The following PIK3C3 variants were observed in gnomAD, a reference collection of about 807,000 sequenced individuals.
PIK3C3 encodes the protein PI3-kinase type 3.
Under a neutral mutation model 126.1 loss-of-function variants are expected in PIK3C3, and 95 were observed. The observed-to-expected ratio is 0.75, with a 90% CI of 0.64 to 0.89. The LOEUF is 0.89. Among genes scored for constraint, PIK3C3 ranks in the 40% least tolerant of loss-of-function variants. PIK3C3 has a pLI of 0.00. For missense variants in PIK3C3, 829 were observed against 1,063.2 expected, an observed-to-expected ratio of 0.78 and a Z score of 3.06; for synonymous variants, 374 against 360.0, an observed-to-expected ratio of 1.04 and a Z score of -0.44.
At chr18:42,073,259 C>T (rs627099) in intron 24 of PIK3C3, among the ~76,000 whole-genome samples, 3 of 151,978 alleles carry the variant, frequency 2.0e-5, no homozygotes, top group African/African-American at 7.3e-5. Context: ...GAAAAGCACA[C>T]GTCTAGGCAG....
intron 12 of PIK3C3, among the ~76,000 whole-genome samples, chr18:42,018,842 T>C (rs1490671720): frequency 6.6e-6 from 1 of 152,144 alleles, no homozygotes; most frequent in African/African-American, 2.4e-5. Context: ...TTACCTACTT[T>C]CGCTATGCCT....
At chr18:41,977,722 T>G (rs1402852460) in intron 4 of PIK3C3, among the ~76,000 whole-genome samples, 17 of 152,128 alleles carry the variant, frequency 1.1e-4, no homozygotes, top group Non-Finnish European at 1.5e-5. Flanking sequence ...TAACCTCAAG[T>G]GATCAACCCG....
At chr18:41,993,407 C>A in intron 7 of PIK3C3, 66 bp downstream of exon 7, 1 of 1,002,430 alleles carries the variant, frequency 1.0e-6, no homozygotes, top group Non-Finnish European at 1.6e-6. Flanking sequence ...TTAGCCACAT[C>A]ATGTACTTTC....
chr18:42,056,523 G>A (rs904598943), intron 21 of PIK3C3, among the ~76,000 whole-genome samples: 8 of 151,982 alleles, frequency 5.3e-5, no homozygotes, highest in Non-Finnish European at 1.2e-4. Flanking sequence ...CAAGTATATT[G>A]GTAACAAAAC....
intron 19 of PIK3C3, among the ~76,000 whole-genome samples, chr18:42,042,761 T>C: frequency 6.6e-6 from 1 of 152,236 alleles, no homozygotes; most frequent in Non-Finnish European, 1.5e-5. Context: ...AAAGTTGTTT[T>C]TCGATAATTA....
intron 11 of PIK3C3, 25 bp downstream of exon 11, chr18:42,013,621 T>C (rs985184266): frequency 6.6e-7 from 1 of 1,517,922 alleles, no homozygotes; most frequent in Middle Eastern, 1.8e-4. Flanking sequence ...GGAGGACATA[T>C]TTTCTAGTTT....
Position 41,955,285 on chromosome 18 carries a change from C to T in PIK3C3, c.-7C>T, listed in dbSNP as rs758189734. On this transcript the variant is annotated 5_prime_UTR_variant, in exon 1 of 25. In the 5' UTR this introduces an upstream ATG that the reference lacks. Transcript: ENST00000262039. Reference sequence around the variant, plus strand: ...CCGCTGTAGGTGGTACCTTTGCAGACGGTGCGATGGGGGAAGCAGAGAAGT... The same window carrying T: ...CCGCTGTAGGTGGTACCTTTGCAGATGGTGCGATGGGGGAAGCAGAGAAGT... 2.5e-6 allele frequency: 4 copies of T among 1,611,364 alleles called. No individual in the cohort carries two copies. The highest frequency in any genetic ancestry group is 2.7e-5 in the African/African-American group (2 of 74,862).
intron 12 of PIK3C3, among the ~76,000 whole-genome samples, chr18:42,016,778 G>T (rs1054997030): frequency 1.3e-5 from 2 of 152,024 alleles, no homozygotes; most frequent in Admixed American, 6.6e-5. Context: ...CAGAAGATTG[G>T]ATCCAGGAGA....
intron 24 of PIK3C3, among the ~76,000 whole-genome samples, chr18:42,075,690 T>A: frequency 6.7e-6 from 1 of 149,720 alleles, no homozygotes; most frequent in Non-Finnish European, 1.5e-5. Flanking sequence ...ATAATATGTA[T>A]ATAAATACAT....
At chr18:41,981,904 A>G (rs1381818182) in intron 4 of PIK3C3, among the ~76,000 whole-genome samples, 3 of 151,892 alleles carry the variant, frequency 2.0e-5, no homozygotes, top group Non-Finnish European at 4.4e-5. Context: ...AAATCTCTTC[A>G]GCCTGGGAGG....
chr18:42,007,783 C>T (rs1265972345), intron 10 of PIK3C3, among the ~76,000 whole-genome samples: 1 of 152,144 alleles, frequency 6.6e-6, no homozygotes, highest in Non-Finnish European at 1.5e-5. Flanking sequence ...AGCTGAAAAG[C>T]AGTCTAGTTT....
In PIK3C3 at chr18:41,995,580, T is replaced by A. The variant is rs77225870; in HGVS notation, c.787-310T>A. Among the ~76,000 whole-genome samples the A allele has an allele frequency of 4.5e-3, 683 of 152,254 alleles. 3 individuals carry two copies. Among genetic ancestry groups the A allele is most frequent in the African/African-American group, 0.016 (651 of 41,536 alleles). On this transcript the variant is annotated intron_variant, in intron 7 of 24. Coordinates refer to ENST00000262039, the MANE Select transcript of PIK3C3 (RefSeq NM_002647.4). ...TAGTCTATGTTGTCAGGGAAGATTT[T>A]ACAGTGATGGTGATATTTGATTGGT...
intron 21 of PIK3C3, among the ~76,000 whole-genome samples, chr18:42,053,539 A>G (rs1187457412): frequency 6.6e-6 from 1 of 152,192 alleles, no homozygotes; most frequent in Non-Finnish European, 1.5e-5. Context: ...TTATTACTAT[A>G]GAATTCTTTG....
intron 24 of PIK3C3, among the ~76,000 whole-genome samples, chr18:42,076,041 A>G (rs1455750466): frequency 6.9e-6 from 1 of 144,960 alleles, no homozygotes; most frequent in Admixed American, 6.9e-5. Flanking sequence ...GCTAGATGGT[A>G]GATAACCCGT....
chr18:42,009,342 C>G (rs966356244), intron 10 of PIK3C3, among the ~76,000 whole-genome samples: 10 of 152,106 alleles, frequency 6.6e-5, no homozygotes, highest in African/African-American at 2.4e-4. Context: ...ATGTATTACT[C>G]TTTGTTAGTG....
intron 10 of PIK3C3, among the ~76,000 whole-genome samples, chr18:42,013,113 CTTTTTTTTTT>C (rs67564071): frequency 1.5e-5 from 2 of 136,822 alleles, no homozygotes; most frequent in African/African-American, 5.4e-5. Flanking sequence ...ATCCTTCCCA[CTTTTTTTTTT>C]TTTTTTTTTG....
chr18:42,049,460 T>C (rs1480945527), intron 20 of PIK3C3, 71 bp from the exon 21 acceptor site: 1 of 1,134,246 alleles, frequency 8.8e-7, no homozygotes, highest in East Asian at 2.5e-5. Flanking sequence ...CACAAACTGC[T>C]TTTATATTCA....
At chr18:42,015,708 T>C in intron 12 of PIK3C3, 142 bp downstream of exon 12, 1 of 639,192 alleles carries the variant, frequency 1.6e-6, no homozygotes, top group Non-Finnish European at 2.7e-6. Context: ...TGCACGTTTA[T>C]AACTTTTCCC....
intron 9 of PIK3C3, among the ~76,000 whole-genome samples, chr18:42,000,727 T>C (rs1422627133): frequency 4.6e-5 from 7 of 152,148 alleles, no homozygotes. Context: ...AAGTCATGTC[T>C]TACGTGGATG....
Sources: gnomAD v4.1 joint callset for allele counts (sites outside exome capture counted in the v4.1 genomes callset) on GRCh38, gnomAD v4.1.1 for gene constraint, MANE v1.5 for transcripts, NCBI Gene and HGNC (gene_info 2026-07-23, HGNC 2026-07-21) for gene names.